ROBO2: variants seen among roughly 807,000 people sequenced by gnomAD.
ROBO2 encodes the protein roundabout guidance receptor 2.
Under a neutral mutation model 160.8 loss-of-function variants are expected in ROBO2, and 53 were observed. The ratio of observed to expected loss-of-function variants is 0.33; its 90% CI spans 0.26 to 0.41. The LOEUF is 0.41. Ranked by LOEUF, ROBO2 falls within the 10% of genes least tolerant of loss-of-function variation. ROBO2 has a pLI of 1.00. For synonymous variants in ROBO2, 664 were observed against 611.7 expected, an observed-to-expected ratio of 1.09 and a Z score of -1.26; for missense variants, 1,577 against 1,722.4, an observed-to-expected ratio of 0.92 and a Z score of 1.49.
intron 2 of ROBO2, among the ~76,000 whole-genome samples, chr3:76,066,524 C>T (rs1031886491): frequency 7.3e-5 from 11 of 151,696 alleles, no homozygotes; most frequent in East Asian, 1.9e-4. Context: ...CAAAAACAGA[C>T]GTTTATTGAA....
chr3:76,291,407 A>G (rs543978700), intron 2 of ROBO2, among the ~76,000 whole-genome samples: 1 of 151,344 alleles, frequency 6.6e-6, no homozygotes, highest in South Asian at 2.1e-4. Context: ...TTTTATTTGG[A>G]TCTTCTCTTT....
intron 2 of ROBO2, among the ~76,000 whole-genome samples, chr3:77,385,471 AG>A (rs1296892402): frequency 6.6e-6 from 1 of 152,210 alleles, no homozygotes; most frequent in East Asian, 1.9e-4. Flanking sequence ...ATGGTACCCA[AG>A]CGACATTTTT....
At chr3:76,311,868 C>T (rs1002150834) in intron 2 of ROBO2, among the ~76,000 whole-genome samples, 2 of 152,138 alleles carry the variant, frequency 1.3e-5, no homozygotes, top group African/African-American at 4.8e-5. Context: ...CTGACTCTAT[C>T]AGTGTTGATG....
In ROBO2 at chr3:76,604,155, C is replaced by T. The variant is rs1359991756; in HGVS notation, c.110-493859C>T. Among the ~76,000 whole-genome samples the T allele has an allele frequency of 2.0e-5, 3 of 152,058 alleles. No homozygotes were observed. The South Asian group carries it at 6.2e-4, about 32-fold the overall frequency. ...TGATGACATTACTAAATAAATAGTT[C>T]ATTGGTCTGAATGTTAAGCATGAAG... On this transcript the variant is annotated intron_variant, in intron 2 of 26. Transcript: ENST00000487694.
intron 2 of ROBO2, among the ~76,000 whole-genome samples, chr3:76,321,808 A>G (rs1037735514): frequency 3.9e-5 from 6 of 152,208 alleles, no homozygotes; most frequent in African/African-American, 1.2e-4. Context: ...AGGACACGTC[A>G]TATGATGACT....
chr3:77,316,582 T>C (rs956258051), intron 2 of ROBO2, among the ~76,000 whole-genome samples: 3 of 152,200 alleles, frequency 2.0e-5, no homozygotes, highest in African/African-American at 7.2e-5. Context: ...AATGGGTTTC[T>C]TCTGTACCTC....
intron 2 of ROBO2, among the ~76,000 whole-genome samples, chr3:76,467,635 T>C (rs1035667946): frequency 6.6e-6 from 1 of 152,104 alleles, no homozygotes; most frequent in Non-Finnish European, 1.5e-5. Flanking sequence ...CTGATAGCTG[T>C]AAGTTCTATC....
chr3:76,919,439 A>T lies in ROBO2; in HGVS notation c.110-178575A>T, dbSNP rs939407681. Among the ~76,000 whole-genome samples, 12 of 152,190 alleles carry T rather than the reference A, an allele frequency of 7.9e-5. 1 individual carries two copies. Among genetic ancestry groups the T allele is most frequent in the Admixed American group, 7.9e-4 (12 of 15,278 alleles). The stretch of plus-strand genomic sequence containing the variant: ...CTTATTGGCAAATTTTTCTAAAAAG[A>T]TTTATCTCCTCATATAAATCAATTT... On this transcript the variant is annotated intron_variant, in intron 2 of 26. Coordinates refer to the ROBO2 transcript ENST00000487694.
chr3:77,543,815 A>G (rs887429072), intron 6 of ROBO2, among the ~76,000 whole-genome samples: 5 of 152,142 alleles, frequency 3.3e-5, no homozygotes, highest in African/African-American at 1.2e-4. Flanking sequence ...TACTTTTGTG[A>G]GGTAATTTAA....
intron 5 of ROBO2, among the ~76,000 whole-genome samples, chr3:77,514,265 C>G (rs1341111731): frequency 6.6e-6 from 1 of 151,594 alleles, no homozygotes; most frequent in Non-Finnish European, 1.5e-5. Flanking sequence ...ATATAAATAC[C>G]TTTGATTGTT....
intron 16 of ROBO2, among the ~76,000 whole-genome samples, chr3:77,583,120 A>C (rs1269661883): frequency 7.1e-6 from 1 of 140,698 alleles, no homozygotes; most frequent in African/African-American, 2.6e-5. Context: ...CCAGCACTCC[A>C]GTCTGGGTCA....
intron 2 of ROBO2, among the ~76,000 whole-genome samples, chr3:76,707,424 A>G (rs2107549064): frequency 6.6e-6 from 1 of 152,160 alleles, no homozygotes; most frequent in Admixed American, 6.6e-5. Context: ...AGAAATGGAC[A>G]AACCACTTTT....
At chr3:76,185,215 T>TATAC in intron 2 of ROBO2, among the ~76,000 whole-genome samples, 15 of 90,284 alleles carry the variant, frequency 1.7e-4, no homozygotes, top group African/African-American at 5.7e-4. Flanking sequence ...TATATATATA[T>TATAC]ACACACACAA....
At chr3:77,137,456 C>A (rs568165468) in intron 2 of ROBO2, among the ~76,000 whole-genome samples, 3 of 152,072 alleles carry the variant, frequency 2.0e-5, no homozygotes, top group Non-Finnish European at 2.9e-5. Context: ...GAACTCTCAA[C>A]CTCAGGTCAT....
chr3:77,145,214 G>A (rs1239375145), intron 2 of ROBO2, among the ~76,000 whole-genome samples: 1 of 152,002 alleles, frequency 6.6e-6, no homozygotes, highest in African/African-American at 2.4e-5. Context: ...CATTTTTATG[G>A]GAGTCCAACA....
At chr3:76,592,079 C>G (rs1368711206) in intron 2 of ROBO2, among the ~76,000 whole-genome samples, 1 of 151,836 alleles carries the variant, frequency 6.6e-6, no homozygotes, top group Non-Finnish European at 1.5e-5. Context: ...TATTTTCAAA[C>G]TAGATGAGAA....
At chr3:76,272,969 TAAAA>T (rs1707647872) in intron 2 of ROBO2, among the ~76,000 whole-genome samples, 1 of 77,154 alleles carries the variant, frequency 1.3e-5, no homozygotes, top group African/African-American at 5.0e-5. Flanking sequence ...TATTTATATA[TAAAA>T]TATATATAAT....
At chr3:77,127,480 T>C (rs1004983531) in intron 2 of ROBO2, among the ~76,000 whole-genome samples, 7 of 152,208 alleles carry the variant, frequency 4.6e-5, no homozygotes, top group Non-Finnish European at 1.0e-4. Flanking sequence ...AATTCTAAAA[T>C]TCTCTTACAT....
At chr3:75,923,682 G>T (rs1452385717) in intron 1 of ROBO2, among the ~76,000 whole-genome samples, 1 of 152,250 alleles carries the variant, frequency 6.6e-6, no homozygotes, top group East Asian at 1.9e-4. Context: ...AGGAAATAAG[G>T]GTAGGCTCGG....
Sources: gnomAD v4.1 joint callset for allele counts (sites outside exome capture counted in the v4.1 genomes callset) on GRCh38, gnomAD v4.1.1 for gene constraint, MANE v1.5 for transcripts, NCBI Gene and HGNC (gene_info 2026-07-23, HGNC 2026-07-21) for gene names.